The following PPM1L variants were observed in gnomAD, a reference collection of about 807,000 sequenced individuals.
PPM1L encodes the protein protein phosphatase, Mg2+/Mn2+ dependent 1L.
Under a neutral mutation model 31.4 loss-of-function variants are expected in PPM1L, and 13 were observed. The observed-to-expected ratio is 0.41, with a 90% CI of 0.27 to 0.66. The LOEUF (loss-of-function observed/expected upper bound fraction) is 0.66. Ranked by LOEUF, PPM1L falls within the 30% of genes least tolerant of loss-of-function variation. The pLI is 0.29. For synonymous variants in PPM1L, 184 were observed against 175.4 expected (o/e 1.05, Z -0.39); for missense variants, 326 against 453.7 (o/e 0.72, Z 2.56).
At position 160,982,549 on chromosome 3, in the gene PPM1L, A is replaced by G. The variant is rs868346726; in HGVS notation, c.574+20639A>G. Among the ~76,000 whole-genome samples, 17 of 152,312 alleles carry G rather than the reference A, an allele frequency of 1.1e-4. 1 individual carries two copies. In the Middle Eastern group the frequency reaches 0.01, roughly 91 times the overall value. On this transcript the variant is annotated intron_variant, in intron 2 of 3. Transcript: ENST00000498165. ...CTCATTCTGTTAATTTTTTAAATGG[A>G]TGAGTAAAGAACCACATAAATTGCT...
At chr3:160,830,411 A>G (rs1408154969) in intron 1 of PPM1L, among the ~76,000 whole-genome samples, 1 of 152,098 alleles carries the variant, frequency 6.6e-6, no homozygotes, top group Non-Finnish European at 1.5e-5. Context: ...CATGCATCCT[A>G]GTGGAGTCAT....
chr3:160,861,081 G>T (rs1025186641), intron 1 of PPM1L, among the ~76,000 whole-genome samples: 3 of 152,178 alleles, frequency 2.0e-5, no homozygotes, highest in Admixed American at 1.3e-4. Context: ...CATATAAGAG[G>T]TTGAAAGGTT....
intron 1 of PPM1L, among the ~76,000 whole-genome samples, chr3:160,835,039 ACTTCTTCTTCTTCTTCTT>A (rs201253772): frequency 3.8e-5 from 5 of 131,818 alleles, no homozygotes; most frequent in Admixed American, 1.5e-4. Context: ...TACTACTACT[ACTTCTTCTTCTTCTTCTT>A]CTTCTTCTTC....
At chr3:160,768,048 G>T (rs1715151973) in intron 1 of PPM1L, among the ~76,000 whole-genome samples, 1 of 152,170 alleles carries the variant, frequency 6.6e-6, no homozygotes, top group African/African-American at 2.4e-5. Flanking sequence ...CATAGATAAT[G>T]AAGTGAATTT....
At position 161,021,768 on chromosome 3, in the gene PPM1L, C is replaced by CT. The variant is rs952331433; in HGVS notation, c.575-43629dup. Among the ~76,000 whole-genome samples, 135 of 151,794 alleles carry CT rather than the reference C, an allele frequency of 8.9e-4. 1 individual carries two copies. The highest frequency in any genetic ancestry group is 3.0e-3 in the African/African-American group (126 of 41,416). Reference sequence around the variant, plus strand: ...CACCCTTTTATTGTTTTAAAATATCCTTTTTTGTCTCTAGTAATAATTTGT... The same window carrying CT: ...CACCCTTTTATTGTTTTAAAATATCCTTTTTTTGTCTCTAGTAATAATTTGT... On this transcript the variant is annotated intron_variant, in intron 2 of 3. Coordinates refer to ENST00000498165, the MANE Select transcript of PPM1L (RefSeq NM_139245.4).
At chr3:161,003,909 T>G (rs1717598804) in intron 2 of PPM1L, among the ~76,000 whole-genome samples, 2 of 150,666 alleles carry the variant, frequency 1.3e-5, no homozygotes, top group African/African-American at 2.5e-5. Flanking sequence ...GGCATCCCTG[T>G]CTTGTGCCCG....
intron 2 of PPM1L, among the ~76,000 whole-genome samples, chr3:160,996,427 TG>T (rs1283502011): frequency 2.6e-5 from 4 of 152,112 alleles, no homozygotes; most frequent in Non-Finnish European, 5.9e-5. Flanking sequence ...AAAAAAATTG[TG>T]GTATATATAT....
intron 1 of PPM1L, among the ~76,000 whole-genome samples, chr3:160,927,441 G>T (rs1714633315): frequency 6.6e-6 from 1 of 152,020 alleles, no homozygotes; most frequent in Admixed American, 6.6e-5. Flanking sequence ...ACCCTACATA[G>T]CATTTTTTTT....
intron 1 of PPM1L, among the ~76,000 whole-genome samples, chr3:160,957,140 A>C (rs144539940): frequency 6.6e-6 from 1 of 152,252 alleles, no homozygotes; most frequent in African/African-American, 2.4e-5. Context: ...ACTAAAACCA[A>C]TAAGAGACCA....
At chr3:160,989,301 A>T (rs1205049803) in intron 2 of PPM1L, among the ~76,000 whole-genome samples, 1 of 152,206 alleles carries the variant, frequency 6.6e-6, no homozygotes, top group Non-Finnish European at 1.5e-5. Context: ...AAACAATTTA[A>T]GTACCTTTCC....
chr3:160,903,193 G>GTGTGTGTGTGTGTGTGTGTGTGT (rs1553819620), intron 1 of PPM1L, among the ~76,000 whole-genome samples: 1 of 124,110 alleles, frequency 8.1e-6, no homozygotes, highest in African/African-American at 2.8e-5. Flanking sequence ...GTGTGTGTGT[G>GTGTGTGTGTGTGTGTGTGTGTGT]GTATGTGTGT....
intron 1 of PPM1L, among the ~76,000 whole-genome samples, chr3:160,897,479 T>G (rs1300488643): frequency 6.6e-6 from 1 of 152,212 alleles, no homozygotes; most frequent in Non-Finnish European, 1.5e-5. Context: ...TGGTTCACAT[T>G]AGTTCGTCCT....
At chr3:160,818,748 G>T (rs1359006641) in intron 1 of PPM1L, among the ~76,000 whole-genome samples, 1 of 151,458 alleles carries the variant, frequency 6.6e-6, no homozygotes, top group Non-Finnish European at 1.5e-5. Flanking sequence ...TATGTATGGG[G>T]TATACTGTGA....
At chr3:161,018,085 T>C (rs1718135341) in intron 2 of PPM1L, among the ~76,000 whole-genome samples, 1 of 152,208 alleles carries the variant, frequency 6.6e-6, no homozygotes, top group South Asian at 2.1e-4. Context: ...CATTATTTAA[T>C]TCAGCTGTCA....
intron 1 of PPM1L, among the ~76,000 whole-genome samples, chr3:160,948,042 C>T (rs1223005060): frequency 6.6e-6 from 1 of 152,080 alleles, no homozygotes; most frequent in Non-Finnish European, 1.5e-5. Context: ...ATATAAATAA[C>T]CATTTATCTC....
At chr3:160,980,478 A>G (rs1320826637) in intron 2 of PPM1L, among the ~76,000 whole-genome samples, 1 of 151,776 alleles carries the variant, frequency 6.6e-6, no homozygotes, top group African/African-American at 2.4e-5. Context: ...GGAGTTCAAG[A>G]CCATCCTGGG....
chr3:160,758,237 G>A (rs1714863929), intron 1 of PPM1L, among the ~76,000 whole-genome samples: 1 of 152,128 alleles, frequency 6.6e-6, no homozygotes, highest in Non-Finnish European at 1.5e-5. Context: ...AGGGAAAAAA[G>A]GCTGTGTACA....
intron 1 of PPM1L, among the ~76,000 whole-genome samples, chr3:160,780,944 A>T (rs1711731084): frequency 6.6e-6 from 1 of 152,226 alleles, no homozygotes; most frequent in Non-Finnish European, 1.5e-5. Flanking sequence ...ATGAAGAGTT[A>T]GCTGTCATCA....
chr3:160,769,033 T>C (rs1165217746), intron 1 of PPM1L, among the ~76,000 whole-genome samples: 1 of 152,224 alleles, frequency 6.6e-6, no homozygotes, highest in Non-Finnish European at 1.5e-5. Flanking sequence ...CTCTAGAAAG[T>C]ACTCTTCACA....
Sources: gnomAD v4.1 joint callset for allele counts (sites outside exome capture counted in the v4.1 genomes callset) on GRCh38, gnomAD v4.1.1 for gene constraint, MANE v1.5 for transcripts, NCBI Gene and HGNC (gene_info 2026-07-23, HGNC 2026-07-21) for gene names.